PAM: variants seen among roughly 807,000 people sequenced by gnomAD.
PAM encodes peptidyl-glycine alpha-amidating monooxygenase.
A neutral mutation model predicts 122.1 loss-of-function variants in PAM; 72 were observed. That is an observed-to-expected ratio of 0.59 (90% CI 0.49 to 0.72). The LOEUF (loss-of-function observed/expected upper bound fraction) is 0.72. Among genes scored for constraint, PAM ranks in the 30% least tolerant of loss-of-function variants. The probability of loss-of-function intolerance (pLI) is 0.00; values close to 1 mark genes in which losing one functional copy is unlikely to be tolerated. For synonymous variants in PAM, 389 were observed against 404.4 expected, an observed-to-expected ratio of 0.96 and a Z score of 0.46; for missense variants, 1,106 against 1,183.7, an observed-to-expected ratio of 0.93 and a Z score of 0.96.
At position 102,907,520 on chromosome 5, in the gene PAM, A is replaced by C. The variant is rs556102200; in HGVS notation, c.268+6107A>C. On this transcript the variant is annotated intron_variant, in intron 4 of 25. Coordinates refer to ENST00000438793, the MANE Select transcript of PAM (RefSeq NM_001177306.2). ...GATGGCTGGGTCAAATGGTATTTCT[A>C]GTTCTAGATCCCTGAGGAATTGCCA... Among the ~76,000 whole-genome samples, 10 of 151,002 alleles carry C rather than the reference A, an allele frequency of 6.6e-5. No individual in the cohort carries two copies. The East Asian group carries it at 2.0e-3, about 30-fold the overall frequency.
chr5:103,007,088 A>C (rs1779188080), intron 19 of PAM, 77 bp downstream of exon 19: 53 of 1,063,648 alleles, frequency 5.0e-5, no homozygotes, highest in Non-Finnish European at 7.1e-5. Flanking sequence ...GCCAACACTC[A>C]CATTCTTTAA....
At chr5:102,959,511 C>T (rs964640419) in intron 12 of PAM, among the ~76,000 whole-genome samples, 1 of 152,062 alleles carries the variant, frequency 6.6e-6, no homozygotes, top group Non-Finnish European at 1.5e-5. Flanking sequence ...TCCACGAGAA[C>T]AATAACTTTT....
chr5:102,984,928 A>C (rs567227083), intron 15 of PAM, among the ~76,000 whole-genome samples: 10 of 152,240 alleles, frequency 6.6e-5, no homozygotes, highest in Non-Finnish European at 1.3e-4. Flanking sequence ...AACAAGAACA[A>C]CTTTGGAAGC....
chr5:102,792,088 T>G (rs546976147), intron 1 of PAM, among the ~76,000 whole-genome samples: 7 of 152,254 alleles, frequency 4.6e-5, no homozygotes, highest in Non-Finnish European at 8.8e-5. Context: ...TGATCCTTCT[T>G]TTTTTTCACA....
chr5:102,857,151 A>T (rs1782857007), intron 1 of PAM, among the ~76,000 whole-genome samples: 4 of 152,214 alleles, frequency 2.6e-5, no homozygotes, highest in Admixed American at 2.0e-4. Context: ...CAAAAAACAA[A>T]TGAACAAACA....
chr5:102,905,210 C>T (rs1413190879), intron 4 of PAM, among the ~76,000 whole-genome samples: 2 of 151,560 alleles, frequency 1.3e-5, no homozygotes, highest in South Asian at 2.1e-4. Context: ...TACAGACACT[C>T]AGCGGAATTG....
chr5:102,921,944 G>A (rs114407857), intron 5 of PAM, among the ~76,000 whole-genome samples: 2,301 of 152,208 alleles, frequency 0.015, 34 homozygotes, highest in African/African-American at 0.031. Context: ...CTTGCTGGCA[G>A]TGTTCTTATA....
intron 1 of PAM, among the ~76,000 whole-genome samples, chr5:102,790,441 T>C (rs1418561095): frequency 6.6e-6 from 1 of 152,100 alleles, no homozygotes; most frequent in African/African-American, 2.4e-5. Context: ...GCCATCTTAC[T>C]GCTTATTTTA....
intron 7 of PAM, among the ~76,000 whole-genome samples, chr5:102,938,080 A>G (rs1753866616): frequency 6.6e-6 from 1 of 152,132 alleles, no homozygotes; most frequent in African/African-American, 2.4e-5. Context: ...CATTATACAC[A>G]AGCAGCTTGA....
chr5:102,807,282 T>G (rs1350547900), intron 1 of PAM, among the ~76,000 whole-genome samples: 4 of 152,236 alleles, frequency 2.6e-5, no homozygotes, highest in Admixed American at 2.6e-4. Flanking sequence ...ATTATAGACT[T>G]GGTTTGATGT....
intron 1 of PAM, among the ~76,000 whole-genome samples, chr5:102,784,317 A>G (rs115599769): frequency 6.6e-6 from 1 of 152,068 alleles, no homozygotes; most frequent in Admixed American, 6.5e-5. Context: ...CCTATGTGCT[A>G]TTGGGTCAAG....
intron 1 of PAM, among the ~76,000 whole-genome samples, chr5:102,807,213 A>G (rs1348820530): frequency 6.6e-6 from 1 of 152,228 alleles, no homozygotes; most frequent in Non-Finnish European, 1.5e-5. Flanking sequence ...TTCTTAGTAC[A>G]GATGATAAAT....
chr5:102,863,631 GT>G (rs779776288), intron 1 of PAM, among the ~76,000 whole-genome samples: 187 of 138,050 alleles, frequency 1.4e-3, no homozygotes, highest in Middle Eastern at 0.011. Flanking sequence ...GAAACTAAGG[GT>G]TTTTTTTTTT....
At chr5:102,800,276 C>G (rs922227110) in intron 1 of PAM, among the ~76,000 whole-genome samples, 7 of 152,222 alleles carry the variant, frequency 4.6e-5, no homozygotes, top group African/African-American at 1.4e-4. Flanking sequence ...TGAGGTTTCT[C>G]TCTGCCAACT....
intron 1 of PAM, among the ~76,000 whole-genome samples, chr5:102,813,418 G>T (rs1012163555): frequency 1.3e-5 from 2 of 152,166 alleles, no homozygotes; most frequent in Non-Finnish European, 2.9e-5. Flanking sequence ...AAGTCATGCA[G>T]CAAGTGAGCA....
chr5:102,990,143 CTTGA>C, intron 15 of PAM, 125 bp from the exon 16 acceptor site: 1 of 594,422 alleles, frequency 1.7e-6, no homozygotes. Flanking sequence ...TAGAGCACGG[CTTGA>C]TTGTCTTTTT....
chr5:102,967,927 T>C (rs1173491621), intron 14 of PAM, among the ~76,000 whole-genome samples: 1 of 152,110 alleles, frequency 6.6e-6, no homozygotes, highest in Admixed American at 6.6e-5. Context: ...TTCACCTTGT[T>C]GGCCAGGCTG....
chr5:102,757,343 T>G (rs552521546), intron 1 of PAM, among the ~76,000 whole-genome samples: 1 of 152,094 alleles, frequency 6.6e-6, no homozygotes, highest in East Asian at 1.9e-4. Flanking sequence ...TAAAACTAAA[T>G]AAATAAATAG....
intron 3 of PAM, among the ~76,000 whole-genome samples, chr5:102,875,688 G>A (rs1050772217): frequency 4.6e-5 from 7 of 152,140 alleles, no homozygotes; most frequent in African/African-American, 1.7e-4. Context: ...TTAAAGAAGT[G>A]TCATATAATA....
Sources: allele counts gnomAD v4.1 joint callset (sites outside exome capture counted in the v4.1 genomes callset), GRCh38; gene constraint gnomAD v4.1.1; transcripts MANE v1.5; gene names NCBI Gene and HGNC (gene_info 2026-07-23, HGNC 2026-07-21).